PLEKHM3: variants seen among roughly 807,000 people sequenced by gnomAD.
The protein encoded by PLEKHM3 is pleckstrin homology domain containing M3, also known as pleckstrin homology domain-containing family M member 3.
In PLEKHM3, 45 loss-of-function variants were observed where a neutral mutation model predicts 81.8. That is an observed-to-expected ratio of 0.55 (90% CI 0.43 to 0.71). The LOEUF (loss-of-function observed/expected upper bound fraction) is 0.71, where lower values mean the gene tolerates loss of function less well. Ranked by LOEUF, PLEKHM3 falls within the 30% of genes least tolerant of loss-of-function variation. The probability of loss-of-function intolerance (pLI) is 0.00; values close to 1 mark genes in which losing one functional copy is unlikely to be tolerated. For synonymous variants in PLEKHM3, 352 were observed against 356.4 expected (o/e 0.99, Z 0.14); for missense variants, 788 against 924.3 (o/e 0.85, Z 1.91).
At position 207,842,618 on chromosome 2, in the gene PLEKHM3, A is replaced by G. The variant is rs137961268; in HGVS notation, c.2109-14122T>C. 1.8e-3 allele frequency among the ~76,000 whole-genome samples: 281 copies of G among 152,324 alleles called. 1 individual carries two copies. Among genetic ancestry groups the G allele is most frequent in the African/African-American group, 5.4e-3 (223 of 41,580 alleles). On this transcript the variant is annotated intron_variant, in intron 7 of 7. Coordinates refer to ENST00000427836, the MANE Select transcript of PLEKHM3 (RefSeq NM_001080475.3). The stretch of plus-strand genomic sequence containing the variant: ...AGAAGGAGGGAAGGCCTGAACAGCA[A>G]AGCATGTTTTAGCAGTCCCTTTCAT...
At chr2:207,852,725 A>G (rs2092418898) in intron 7 of PLEKHM3, 1 of 406,802 alleles carries the variant, frequency 2.5e-6, no homozygotes, top group South Asian at 1.8e-5. Context: ...AAGGCTGAAA[A>G]ACTTCCTTTG....
intron 6 of PLEKHM3, among the ~76,000 whole-genome samples, chr2:207,895,716 G>T (rs1688202225): frequency 6.6e-6 from 1 of 152,304 alleles, no homozygotes; most frequent in East Asian, 1.9e-4. Flanking sequence ...CCCGTTTTAG[G>T]AGGAAACCCG....
intron 3 of PLEKHM3, among the ~76,000 whole-genome samples, chr2:207,960,016 T>C (rs1015657597): frequency 2.0e-5 from 3 of 152,224 alleles, no homozygotes; most frequent in African/African-American, 7.2e-5. Context: ...GCTAATCTTT[T>C]AACTATACAT....
intron 3 of PLEKHM3, among the ~76,000 whole-genome samples, chr2:207,949,564 A>G (rs1188929640): frequency 1.3e-5 from 2 of 152,166 alleles, no homozygotes; most frequent in Non-Finnish European, 2.9e-5. Context: ...TTTTAAAAAG[A>G]AAGAAAGAAT....
chr2:207,835,443 A>C (rs554181363), intron 7 of PLEKHM3, among the ~76,000 whole-genome samples: 1 of 152,142 alleles, frequency 6.6e-6, no homozygotes, highest in African/African-American at 2.4e-5. Context: ...GGGTTAATCT[A>C]AAGTTTCTTC....
intron 1 of PLEKHM3, among the ~76,000 whole-genome samples, chr2:208,022,124 G>A (rs909633184): frequency 5.3e-5 from 8 of 152,186 alleles, no homozygotes; most frequent in Admixed American, 6.5e-5. Flanking sequence ...TGAGCTGTTC[G>A]GAAAGGTTAC....
intron 2 of PLEKHM3, among the ~76,000 whole-genome samples, chr2:207,997,268 G>A (rs1021390897): frequency 6.6e-6 from 1 of 152,144 alleles, no homozygotes; most frequent in Non-Finnish European, 1.5e-5. Context: ...ACCCAAAGCA[G>A]CACTTATCCT....
At position 208,018,395 on chromosome 2, in the gene PLEKHM3, GA is replaced by G. The variant is rs75422528; in HGVS notation, c.-319+6993del. On this transcript the variant is annotated intron_variant, in intron 1 of 7. Coordinates refer to ENST00000427836, the MANE Select transcript of PLEKHM3 (RefSeq NM_001080475.3). The stretch of plus-strand genomic sequence containing the variant: ...TCAAAAAAAAAAAAAGAAAAGAAAA[GA>G]AAAAAAAAAAAAGAAACATACTACT... Among the ~76,000 whole-genome samples the G allele has an allele frequency of 3.8e-3, 478 of 125,826 alleles. 1 individual carries two copies. Among genetic ancestry groups the G allele is most frequent in the South Asian group, 6.4e-3 (25 of 3,912 alleles). The allele number at this position is 125,826 out of a possible 152,430, so 82.5% of individuals were successfully genotyped here.
intron 6 of PLEKHM3, among the ~76,000 whole-genome samples, chr2:207,904,937 T>G (rs572625510): frequency 6.6e-6 from 1 of 152,344 alleles, no homozygotes; most frequent in Non-Finnish European, 1.5e-5. Context: ...GTATTATTAG[T>G]GCTTTGTGTA....
At chr2:207,880,486 G>A (rs144171601) in intron 6 of PLEKHM3, among the ~76,000 whole-genome samples, 28 of 150,932 alleles carry the variant, frequency 1.9e-4, no homozygotes, top group Non-Finnish European at 1.2e-4. Context: ...AATAGAGGCC[G>A]GGCGCGGTGG....
intron 3 of PLEKHM3, among the ~76,000 whole-genome samples, chr2:207,956,883 T>C (rs1252520980): frequency 1.3e-5 from 2 of 151,952 alleles, no homozygotes; most frequent in African/African-American, 4.8e-5. Flanking sequence ...ATGTACGCTT[T>C]GAAAAGATTA....
chr2:207,862,755 C>G (rs1300569433), intron 6 of PLEKHM3, among the ~76,000 whole-genome samples: 1 of 152,088 alleles, frequency 6.6e-6, no homozygotes, highest in Non-Finnish European at 1.5e-5. Context: ...AATACAAAAA[C>G]AAGACTACAA....
At chr2:207,867,128 C>A (rs568028128) in intron 6 of PLEKHM3, among the ~76,000 whole-genome samples, 72 of 152,334 alleles carry the variant, frequency 4.7e-4, no homozygotes, top group African/African-American at 1.6e-3. Context: ...TCTGTCTTTA[C>A]CCCTGGCTGT....
chr2:207,873,952 G>A (rs2092547378), intron 6 of PLEKHM3, among the ~76,000 whole-genome samples: 1 of 152,222 alleles, frequency 6.6e-6, no homozygotes, highest in South Asian at 2.1e-4. Flanking sequence ...CATGTACATT[G>A]AAATAGGTGC....
intron 2 of PLEKHM3, among the ~76,000 whole-genome samples, chr2:207,981,167 GA>G (rs1191331717): frequency 6.6e-6 from 1 of 151,124 alleles, no homozygotes; most frequent in Non-Finnish European, 1.5e-5. Context: ...AAAACAAGAA[GA>G]AAAATAGCAA....
At position 207,911,204 on chromosome 2, in the gene PLEKHM3, A is replaced by T. The variant is rs1243736662; in HGVS notation, c.1887-2627T>A. Among the ~76,000 whole-genome samples the T allele has an allele frequency of 2.0e-5, 3 of 152,172 alleles. No individual in the cohort carries two copies. The East Asian group carries it at 5.8e-4, about 29-fold the overall frequency. ...TGAATGGGAAGGGGGCTGAACCCAG[A>T]TGAGGGTTGTTTGTTTTTACTTTGT... On this transcript the variant is annotated intron_variant, in intron 5 of 7. Transcript: ENST00000427836.
rs550729555 is a variant in PLEKHM3, at chr2:208,009,427, C to T, written c.-318-7470G>A. ...CACTGAATATCTTTGGTACCTCCCC[C>T]ACAACATATACTATATGCTGCATGT... On this transcript the variant is annotated intron_variant, in intron 1 of 7. Transcript: ENST00000427836. 6.6e-5 allele frequency among the ~76,000 whole-genome samples: 10 copies of T among 152,234 alleles called. No homozygotes were observed. In the East Asian group the frequency reaches 1.5e-3, roughly 23 times the overall value.
intron 7 of PLEKHM3, among the ~76,000 whole-genome samples, chr2:207,841,508 T>TATATATATATATATATATATATA (rs1559203259): frequency 8.0e-6 from 1 of 125,532 alleles, no homozygotes; most frequent in African/African-American, 2.9e-5. Context: ...TATATATATA[T>TATATATATATATATATATATATA]TCACCACCAT....
At chr2:207,829,444 T>A (rs2092272224) in intron 7 of PLEKHM3, among the ~76,000 whole-genome samples, 1 of 152,008 alleles carries the variant, frequency 6.6e-6, no homozygotes, top group Non-Finnish European at 1.5e-5. Context: ...ACCTGGCTAA[T>A]TTTTGTATTT....
Sources: gnomAD v4.1 joint callset for allele counts (sites outside exome capture counted in the v4.1 genomes callset) on GRCh38, gnomAD v4.1.1 for gene constraint, MANE v1.5 for transcripts, NCBI Gene and HGNC (gene_info 2026-07-23, HGNC 2026-07-21) for gene names.